SCN8A: variants seen among roughly 807,000 people sequenced by gnomAD.
SCN8A encodes the protein sodium voltage-gated channel alpha subunit 8.
Under a neutral mutation model 184.1 loss-of-function variants are expected in SCN8A, and 30 were observed. The ratio of observed to expected loss-of-function variants is 0.16; its 90% CI spans 0.12 to 0.22. The LOEUF is 0.22. Ranked by LOEUF, SCN8A falls within the 10% of genes least tolerant of loss-of-function variation. The pLI is 1.00. For synonymous variants in SCN8A, 852 were observed against 907.0 expected (o/e 0.94, Z 1.09); for missense variants, 1,057 against 2,498.9 (o/e 0.42, Z 12.30).
At chr12:51,727,529 G>T (rs1428045191) in intron 12 of SCN8A, among the ~76,000 whole-genome samples, 1 of 152,136 alleles carries the variant, frequency 6.6e-6, no homozygotes, top group African/African-American at 2.4e-5. Flanking sequence ...GCCAGGTGAT[G>T]AGAATTGTGC....
At chr12:51,732,388 G>A (rs1161859752) in intron 12 of SCN8A, among the ~76,000 whole-genome samples, 2 of 152,094 alleles carry the variant, frequency 1.3e-5, no homozygotes, top group Non-Finnish European at 2.9e-5. Context: ...GTAGGTGTGT[G>A]GATTTATTTC....
intron 1 of SCN8A, among the ~76,000 whole-genome samples, chr12:51,601,855 GTTTTTTTTTTTTTTTT>G (rs938674707): frequency 9.1e-6 from 1 of 109,746 alleles, no homozygotes; most frequent in African/African-American, 3.6e-5. Flanking sequence ...CAGAGAAAGG[GTTTTTTTTTTTTTTTT>G]TTTTTTTTTA....
At chr12:51,757,477 T>C (rs1942694306) in intron 14 of SCN8A, among the ~76,000 whole-genome samples, 1 of 152,176 alleles carries the variant, frequency 6.6e-6, no homozygotes, top group East Asian at 1.9e-4. Context: ...TAAGGCTGAA[T>C]TTTTTCTGCA....
chr12:51,705,575 A>G lies in SCN8A; in HGVS notation c.1293A>G (p.Glu431=). Residue 431 remains glutamate (E), a synonymous_variant, in exon 10 of 27, where the codon GAA becomes GAG. Transcript: ENST00000627620. ...AGGAGGCAGAACAAAAAGAGGCTGA[A>G]TTTAAAGCAATGTTGGAGCAACTTA... ...TLEEAEQKEA[E]FKAMLEQLKK... is the part of the protein sequence containing the mutation. 8 of 1,613,930 alleles carry G rather than the reference A, an allele frequency of 5.0e-6. No homozygotes were observed. The highest frequency in any genetic ancestry group is 6.8e-6 in the Non-Finnish European group (8 of 1,179,854).
At chr12:51,647,954 C>G (rs560463868) in intron 1 of SCN8A, among the ~76,000 whole-genome samples, 1 of 152,164 alleles carries the variant, frequency 6.6e-6, no homozygotes, top group African/African-American at 2.4e-5. Flanking sequence ...AGCTATAGTT[C>G]TGTACCAAGC....
intron 9 of SCN8A, among the ~76,000 whole-genome samples, chr12:51,704,453 T>G (rs1941744160): frequency 6.2e-5 from 9 of 145,854 alleles, no homozygotes; most frequent in Non-Finnish European, 4.5e-5. Context: ...GTGGATCACT[T>G]GAGGCCAGGA....
chr12:51,757,145 C>A (rs1316243943), intron 14 of SCN8A, among the ~76,000 whole-genome samples: 6 of 152,112 alleles, frequency 3.9e-5, no homozygotes, highest in African/African-American at 1.4e-4. Flanking sequence ...CCTGAGGAAG[C>A]CCTTGCAGTT....
intron 26 of SCN8A, among the ~76,000 whole-genome samples, chr12:51,803,143 G>A (rs999696861): frequency 6.6e-6 from 1 of 152,118 alleles, no homozygotes; most frequent in Non-Finnish European, 1.5e-5. Context: ...TCAAAAGTAG[G>A]GAAGCTGACA....
intron 5 of SCN8A, 41 bp from the exon 6 acceptor site, chr12:51,688,964 T>C (rs756653039): frequency 1.3e-6 from 2 of 1,588,402 alleles, no homozygotes; most frequent in South Asian, 2.2e-5. Context: ...TTTGTGTCTG[T>C]GTTTGTCACT....
At chr12:51,799,916 G>A (rs1361102531) in intron 26 of SCN8A, among the ~76,000 whole-genome samples, 2 of 152,220 alleles carry the variant, frequency 1.3e-5, no homozygotes, top group African/African-American at 4.8e-5. Context: ...CTGAATTTTA[G>A]TCTGATTTAT....
chr12:51,778,546 C>T (rs1004874551), intron 20 of SCN8A, among the ~76,000 whole-genome samples: 1 of 152,200 alleles, frequency 6.6e-6, no homozygotes, highest in African/African-American at 2.4e-5. Flanking sequence ...ACCTCGGCCA[C>T]AACACCTGGC....
At chr12:51,702,947 G>A in intron 9 of SCN8A, 33 bp downstream of exon 9, 1 of 1,558,200 alleles carries the variant, frequency 6.4e-7, no homozygotes, top group Non-Finnish European at 8.7e-7. Flanking sequence ...TGGCCATAGA[G>A]TTTGCATGAG....
chr12:51,599,802 TG>T (rs1485478686), intron 1 of SCN8A, among the ~76,000 whole-genome samples: 1 of 152,166 alleles, frequency 6.6e-6, no homozygotes, highest in Admixed American at 6.5e-5. Flanking sequence ...AATATAACTT[TG>T]TATATGTGTG....
At chr12:51,652,296 C>A (rs1262523250) in intron 1 of SCN8A, among the ~76,000 whole-genome samples, 1 of 152,122 alleles carries the variant, frequency 6.6e-6, no homozygotes, top group Admixed American at 6.5e-5. Flanking sequence ...AGTACATCAT[C>A]CCTGCTGCTG....
In SCN8A at chr12:51,686,509, C is replaced by T. The variant is rs371630975; in HGVS notation, c.485+52C>T. 9.4e-4 allele frequency: 1,200 copies of T among 1,270,348 alleles called. 2 individuals are homozygous for T. The highest frequency in any genetic ancestry group is 1.3e-3 in the Non-Finnish European group (1,118 of 879,646). The allele number at this position is 1,270,348 out of a possible 1,614,324, so 78.7% of individuals were successfully genotyped here. ...TGTTTGTTTTAAATATTTTTAGTCA[C>T]TAAATCTTGCTTTGCCACAGTTTAC... is the stretch of plus-strand genomic sequence containing the variant. On this transcript the variant is annotated intron_variant, in intron 4 of 26. Coordinates refer to ENST00000627620, the MANE Select transcript of SCN8A (RefSeq NM_001330260.2).
chr12:51,802,436 A>G (rs143512119), intron 26 of SCN8A, among the ~76,000 whole-genome samples: 175 of 152,284 alleles, frequency 1.1e-3, no homozygotes, highest in African/African-American at 3.8e-3. Flanking sequence ...GCAGGGTCCC[A>G]TTCTTTTCCA....
intron 2 of SCN8A, among the ~76,000 whole-genome samples, chr12:51,668,827 A>C (rs1364687086): frequency 6.6e-6 from 1 of 152,196 alleles, no homozygotes; most frequent in Non-Finnish European, 1.5e-5. Context: ...GCCATAGTCC[A>C]TCCCTAACCT....
chr12:51,796,340 A>G (rs565085560), intron 26 of SCN8A, among the ~76,000 whole-genome samples: 1 of 152,226 alleles, frequency 6.6e-6, no homozygotes, highest in South Asian at 2.1e-4. Flanking sequence ...CACAAAACAC[A>G]CTTTGGACAA....
chr12:51,719,488 G>A (rs1183337208), intron 11 of SCN8A, among the ~76,000 whole-genome samples: 11 of 45,782 alleles, frequency 2.4e-4, no homozygotes, highest in African/African-American at 9.0e-4. Flanking sequence ...AAAAAGATAA[G>A]GGCAGAAATG....
Sources: gnomAD v4.1 joint callset for allele counts (sites outside exome capture counted in the v4.1 genomes callset) on GRCh38, gnomAD v4.1.1 for gene constraint, MANE v1.5 for transcripts, NCBI Gene and HGNC (gene_info 2026-07-23, HGNC 2026-07-21) for gene names.